The following PAN3 variants were observed in gnomAD, a reference collection of about 807,000 sequenced individuals.
PAN3 encodes the protein poly(A) specific ribonuclease subunit PAN3.
PAN3 carries 19 observed loss-of-function variants against 96.2 expected under a neutral mutation model. The ratio of observed to expected loss-of-function variants is 0.20; its 90% CI spans 0.14 to 0.29. The LOEUF is 0.29. PAN3 is among the 10% of genes least tolerant of loss of function. The probability of loss-of-function intolerance (pLI) is 1.00; values close to 1 mark genes in which losing one functional copy is unlikely to be tolerated. For synonymous variants in PAN3, 433 were observed against 406.6 expected (o/e 1.06, Z -0.78); for missense variants, 882 against 1,108.1 (o/e 0.80, Z 2.90).
chr13:28,182,134 A>T (rs1446623766), intron 4 of PAN3, among the ~76,000 whole-genome samples: 1 of 152,252 alleles, frequency 6.6e-6, no homozygotes, highest in Non-Finnish European at 1.5e-5. Flanking sequence ...TCTTTACAAC[A>T]GAGTTAGATA....
At chr13:28,231,264 A>G (rs45538039) in intron 6 of PAN3, among the ~76,000 whole-genome samples, 3,426 of 152,306 alleles carry the variant, frequency 0.022, 116 homozygotes, top group African/African-American at 0.078. Context: ...CAGTTCATCT[A>G]GAAATGACAC....
chr13:28,256,293 A>G lies in PAN3; in HGVS notation c.1002A>G (p.Gly334=). ...GSPATAGLAP[G]MSLSAGSSPL... is the part of the protein sequence containing the mutation. The stretch of plus-strand genomic sequence containing the variant: ...GAAACATTTTTACATCTTCTTCAGG[A>G]ATGTCGTTGTCTGCTGGGTCTTCCC... The change falls in exon 7 of 19, where the codon GGA becomes GGG. Residue 334 remains glycine (G), a splice_region_variant and synonymous_variant. Transcript: ENST00000380958. 1 of 1,611,466 alleles carries G rather than the reference A, an allele frequency of 6.2e-7. No individual in the cohort carries two copies. The highest frequency in any genetic ancestry group is 1.7e-5 in the Admixed American group (1 of 59,608).
chr13:28,223,701 G>A (rs1343411064), intron 6 of PAN3, among the ~76,000 whole-genome samples: 1 of 151,826 alleles, frequency 6.6e-6, no homozygotes, highest in East Asian at 1.9e-4. Context: ...TTTCCAGAGT[G>A]TTATACAGTA....
At chr13:28,188,944 T>C (rs905493871) in intron 4 of PAN3, among the ~76,000 whole-genome samples, 3 of 152,250 alleles carry the variant, frequency 2.0e-5, no homozygotes, top group African/African-American at 7.2e-5. Context: ...CTGAACTTTT[T>C]GGGAGAAGAG....
intron 5 of PAN3, among the ~76,000 whole-genome samples, chr13:28,205,944 T>C (rs1360676990): frequency 6.6e-6 from 1 of 152,132 alleles, no homozygotes; most frequent in Non-Finnish European, 1.5e-5. Context: ...TTATTTTTCC[T>C]CCTGTCTCAG....
intron 1 of PAN3, among the ~76,000 whole-genome samples, chr13:28,147,473 A>G (rs1870817223): frequency 6.6e-6 from 1 of 152,242 alleles, no homozygotes; most frequent in African/African-American, 2.4e-5. Flanking sequence ...TAATTCACCT[A>G]ACCCATCAAA....
intron 1 of PAN3, among the ~76,000 whole-genome samples, chr13:28,153,188 A>G (rs986688497): frequency 2.7e-5 from 4 of 149,870 alleles, no homozygotes; most frequent in African/African-American, 9.9e-5. Flanking sequence ...CTTAAAATAT[A>G]TTACTAAATA....
chr13:28,277,261 A>G lies in PAN3; in HGVS notation c.2074A>G (p.Lys692Glu). 6.2e-7 allele frequency: 1 copy of G among 1,611,944 alleles called. No individual in the cohort carries two copies. Among genetic ancestry groups the G allele is most frequent in the Non-Finnish European group, 8.5e-7 (1 of 1,179,282 alleles). ...GCAAGCAGATCTGATATCATTAGGAAAAGTTGTGTTGGCTTTGGCTTGCAA... is the reference window on the plus strand; with the variant it reads ...GCAAGCAGATCTGATATCATTAGGAGAAGTTGTGTTGGCTTTGGCTTGCAA... ...YQQADLISLG[K>E]VVLALACNSL... The change falls in exon 15 of 19, where the codon AAA becomes GAA. Residue 692 changes from lysine (K) to glutamate (E), a missense_variant. Transcript: ENST00000380958.
chr13:28,235,101 C>T (rs1442426634), intron 6 of PAN3, among the ~76,000 whole-genome samples: 4 of 152,120 alleles, frequency 2.6e-5, no homozygotes, highest in Admixed American at 6.5e-5. Context: ...TTGTGTACTC[C>T]GTTCTGGCCT....
rs989438616 is a variant in PAN3, at chr13:28,270,935, A to G, written c.1958+69A>G. On this transcript the variant is annotated intron_variant, in intron 13 of 18. Coordinates refer to ENST00000380958, the MANE Select transcript of PAN3 (RefSeq NM_175854.8). ...CCTTTGACAGCTTAGTAAACAAAAC[A>G]TGATTGTTTTAATTCTGCCTTTTCA... 2.6e-5 allele frequency: 37 copies of G among 1,415,268 alleles called. No individual in the cohort carries two copies. The South Asian group carries it at 4.9e-4, about 19-fold the overall frequency. 87.7% of individuals were successfully genotyped at this position (1,415,268 alleles called of 1,614,324 possible).
chr13:28,249,424 G>A (rs1002665229), intron 6 of PAN3, among the ~76,000 whole-genome samples: 2 of 152,078 alleles, frequency 1.3e-5, no homozygotes, highest in African/African-American at 4.8e-5. Context: ...GAAGAGATGG[G>A]CAGTAAAAAT....
At chr13:28,154,867 C>T (rs1871908281) in intron 1 of PAN3, among the ~76,000 whole-genome samples, 1 of 146,686 alleles carries the variant, frequency 6.8e-6, no homozygotes, top group Non-Finnish European at 1.5e-5. Flanking sequence ...GTCATCCAGG[C>T]TGTAGTGCAG....
intron 7 of PAN3, among the ~76,000 whole-genome samples, chr13:28,259,414 T>G (rs899142461): frequency 5.9e-5 from 9 of 151,902 alleles, no homozygotes; most frequent in African/African-American, 2.2e-4. Context: ...CAAATGATTC[T>G]CCTGCCTCAA....
chr13:28,189,600 A>T (rs186077460), intron 4 of PAN3, among the ~76,000 whole-genome samples: 200 of 151,932 alleles, frequency 1.3e-3, no homozygotes, highest in Non-Finnish European at 1.9e-3. Flanking sequence ...AGGACTTGCG[A>T]TGCTGAATTT....
chr13:28,213,271 A>G (rs1451757833), intron 5 of PAN3, among the ~76,000 whole-genome samples: 2 of 152,236 alleles, frequency 1.3e-5, no homozygotes, highest in Non-Finnish European at 2.9e-5. Flanking sequence ...CTATATGCAT[A>G]GACTACATAC....
At chr13:28,277,716 A>G (rs9554303) in intron 15 of PAN3, among the ~76,000 whole-genome samples, 21,595 of 152,258 alleles carry the variant, frequency 0.14, 1,862 homozygotes, top group East Asian at 0.33. Flanking sequence ...CAGCAGCCAC[A>G]TGTAATTACT....
chr13:28,206,315 CTTTT>C (rs71086837), intron 5 of PAN3, among the ~76,000 whole-genome samples: 4 of 94,930 alleles, frequency 4.2e-5, no homozygotes, highest in East Asian at 3.4e-4. Context: ...GTCTAACTGA[CTTTT>C]TTTTTTTTTT....
At chr13:28,245,178 ATTTT>A (rs1884061221) in intron 6 of PAN3, among the ~76,000 whole-genome samples, 1 of 152,116 alleles carries the variant, frequency 6.6e-6, no homozygotes, top group South Asian at 2.1e-4. Flanking sequence ...TTTTGTTGGT[ATTTT>A]TATTGAGCTA....
At chr13:28,192,716 T>C (rs1364037698) in intron 4 of PAN3, among the ~76,000 whole-genome samples, 1 of 152,220 alleles carries the variant, frequency 6.6e-6, no homozygotes, top group East Asian at 1.9e-4. Context: ...AGGTGTGTGT[T>C]GTGTTCCAAA....
Sources: gnomAD v4.1 joint callset for allele counts (sites outside exome capture counted in the v4.1 genomes callset) on GRCh38, gnomAD v4.1.1 for gene constraint, MANE v1.5 for transcripts, NCBI Gene and HGNC (gene_info 2026-07-23, HGNC 2026-07-21) for gene names.